The following KCNA2 variants were observed in gnomAD, a reference collection of about 807,000 sequenced individuals.
The protein encoded by KCNA2 is potassium channel, voltage gated shaker related subfamily A, member 2.
In KCNA2, 11 loss-of-function variants were observed where a neutral mutation model predicts 33.4. The observed-to-expected ratio is 0.33, with a 90% confidence interval of 0.21 to 0.55. The LOEUF (loss-of-function observed/expected upper bound fraction) is 0.55. Ranked by LOEUF, KCNA2 falls within the 20% of genes least tolerant of loss-of-function variation. The probability of loss-of-function intolerance (pLI) is 0.93; values close to 1 mark genes in which losing one functional copy is unlikely to be tolerated. For missense variants in KCNA2, 291 were observed against 621.6 expected, an observed-to-expected ratio of 0.47 and a Z score of 5.66; for synonymous variants, 222 against 231.3, an observed-to-expected ratio of 0.96 and a Z score of 0.37.
chr1:110,611,202 G>A (rs1311128695), upstream of KCNA2, among the ~76,000 whole-genome samples: 2 of 152,224 alleles, frequency 1.3e-5, no homozygotes, highest in Non-Finnish European at 2.9e-5. Flanking sequence ...CACTGTTGTT[G>A]CTGATGTTGT....
intron 1 of KCNA2, among the ~76,000 whole-genome samples, chr1:110,627,650 A>C (rs1333639639): frequency 6.6e-6 from 1 of 152,164 alleles, no homozygotes; most frequent in Non-Finnish European, 1.5e-5. Flanking sequence ...GTCTGAAGAA[A>C]GTGGGTAAGA....
In KCNA2 at chr1:110,600,213, C is replaced by T. The variant is rs182504196; in HGVS notation, c.*3070G>A. 1.5e-3 allele frequency: 1,457 copies of T among 980,108 alleles called. 23 individuals are homozygous for T. The African/African-American group carries it at 0.025, about 17-fold the overall frequency. 60.7% of individuals were successfully genotyped at this position (980,108 alleles called of 1,614,324 possible). ...ATGTCTGCATTTCATGTGTATTGTG[C>T]GATATTTTTGGGCATGTGTGCTATG... On this transcript the variant is annotated 3_prime_UTR_variant, in exon 3 of 3. Transcript: ENST00000316361.
Position 110,601,493 on chromosome 1 carries a change from G to A in KCNA2, c.*1790C>T, listed in dbSNP as rs1041973326. 28 of 985,954 alleles carry A rather than the reference G, an allele frequency of 2.8e-5. No homozygotes were observed. Among genetic ancestry groups the A allele is most frequent in the Non-Finnish European group, 3.4e-5 (28 of 830,328 alleles). 61.1% of individuals were successfully genotyped at this position (985,954 alleles called of 1,614,324 possible). On this transcript the variant is annotated 3_prime_UTR_variant, in exon 3 of 3. Coordinates refer to ENST00000316361, the MANE Select transcript of KCNA2 (RefSeq NM_004974.4). Reference sequence around the variant, plus strand: ...GAACAGGATGAACTGTAGAGAGGAGGCCCGGGGTGGGTCTGGCCCAGGACA... The same window carrying A: ...GAACAGGATGAACTGTAGAGAGGAGACCCGGGGTGGGTCTGGCCCAGGACA...
At chr1:110,609,623 G>A (rs1036751202), upstream of KCNA2, among the ~76,000 whole-genome samples, 2 of 152,082 alleles carry the variant, frequency 1.3e-5, no homozygotes, top group Admixed American at 1.3e-4. Context: ...TCTGACCTCT[G>A]CTTCTATTTT....
chr1:110,629,519 G>A (rs941725556), intron 1 of KCNA2, among the ~76,000 whole-genome samples: 2 of 152,156 alleles, frequency 1.3e-5, no homozygotes, highest in African/African-American at 4.8e-5. Context: ...ACCCTGAGAA[G>A]CAGCTCAGTG....
chr1:110,619,689 G>A (rs1650185268), intron 1 of KCNA2, among the ~76,000 whole-genome samples: 1 of 152,236 alleles, frequency 6.6e-6, no homozygotes, highest in Admixed American at 6.5e-5. Context: ...CCCGTATCCC[G>A]GGTCCTAAGA....
chr1:110,624,304 G>C (rs1158483739), intron 1 of KCNA2, among the ~76,000 whole-genome samples: 1 of 152,196 alleles, frequency 6.6e-6, no homozygotes, highest in Non-Finnish European at 1.5e-5. Context: ...ATGCTATTCA[G>C]CAATAAAAAA....
Position 110,604,849 on chromosome 1 carries a change from G to T in KCNA2, c.-67C>A. ...TGCCTGGTGGCAGGGAGCTCAGGGT[G>T]CTGCTACTGGCCCCAGGAAGCACAG... is the stretch of plus-strand genomic sequence containing the variant. On this transcript the variant is annotated 5_prime_UTR_variant, in exon 3 of 3. Coordinates refer to ENST00000316361, the MANE Select transcript of KCNA2 (RefSeq NM_004974.4). This position sits in a 1 kb window ranked among gnomAD's most constrained non-coding sequence, Gnocchi z 7.6. 7.0e-7 allele frequency: 1 copy of T among 1,437,978 alleles called. No individual in the cohort carries two copies. Among genetic ancestry groups the T allele is most frequent in the Non-Finnish European group, 9.5e-7 (1 of 1,051,812 alleles). The allele number at this position is 1,437,978 out of a possible 1,614,324, so 89.1% of individuals were successfully genotyped here.
intron 1 of KCNA2, among the ~76,000 whole-genome samples, chr1:110,614,946 G>T (rs1393883326): frequency 6.6e-6 from 1 of 152,230 alleles, no homozygotes; most frequent in African/African-American, 2.4e-5. Context: ...GACTTTCAAA[G>T]ATGCCAAATC....
chr1:110,598,882 C>T lies in KCNA2; in HGVS notation c.*4401G>A. On this transcript the variant is annotated 3_prime_UTR_variant, in exon 3 of 3. Coordinates refer to ENST00000316361, the MANE Select transcript of KCNA2 (RefSeq NM_004974.4). ...CTCTGAAATTTGACCCACTCAGCCA[C>T]TCTCTCTTCCTGACAATCTCTCCAC... 2 of 985,454 alleles carry T rather than the reference C, an allele frequency of 2.0e-6. No individual in the cohort carries two copies. Among genetic ancestry groups the T allele is most frequent in the Non-Finnish European group, 2.4e-6 (2 of 829,930 alleles). The allele number at this position is 985,454 out of a possible 1,614,324, so 61.0% of individuals were successfully genotyped here.
In KCNA2 at chr1:110,603,382, G is replaced by A. The variant is rs1217851744; in HGVS notation, c.1401C>T (p.Asn467=). 1.2e-6 allele frequency: 2 copies of A among 1,614,208 alleles called. No individual in the cohort carries two copies. Among genetic ancestry groups the A allele is most frequent in the Non-Finnish European group, 1.7e-6 (2 of 1,180,036 alleles). The change falls in exon 3 of 3, where the codon AAC becomes AAT. Residue 467 remains asparagine (N), a synonymous_variant. Coordinates refer to ENST00000316361, the MANE Select transcript of KCNA2 (RefSeq NM_004974.4). The surrounding 1 kb of genome is among the most constrained non-coding windows in gnomAD (Gnocchi z 5.7). ...TTTCCTCTCTAAAGTCCTCATTACTGTTATTTACACCCTCCTGGATCTCCA... is the reference window on the plus strand; with the variant it reads ...TTTCCTCTCTAAAGTCCTCATTACTATTATTTACACCCTCCTGGATCTCCA... ...DYMEIQEGVN[N]SNEDFREENL... is the part of the protein sequence containing the mutation.
At position 110,603,504 on chromosome 1, in the gene KCNA2, C is replaced by T; in HGVS notation, c.1279G>A (p.Ala427Thr). The change falls in exon 3 of 3, where the codon GCC becomes ACC. Residue 427 changes from alanine to threonine, a missense_variant. This residue lies in a region of KCNA2 where 65 missense variants were observed against 95.1 expected (regional missense o/e 0.68). Coordinates refer to ENST00000316361, the MANE Select transcript of KCNA2 (RefSeq NM_004974.4). The surrounding 1 kb of genome is among the most constrained non-coding windows in gnomAD (Gnocchi z 5.7). ...CAGCTTGTCACTTGCAAGTATTGGG[C>T]CTGTTCCTCTCCCTCTGTCTCCCGG... ...YHRETEGEEQ[A>T]QYLQVTSCPK... 2.5e-6 allele frequency: 4 copies of T among 1,614,022 alleles called. No individual in the cohort carries two copies. The highest frequency in any genetic ancestry group is 3.4e-6 in the Non-Finnish European group (4 of 1,180,010).
intron 1 of KCNA2, among the ~76,000 whole-genome samples, chr1:110,611,911 A>C (rs1649886865): frequency 6.6e-6 from 1 of 152,090 alleles, no homozygotes; most frequent in Non-Finnish European, 1.5e-5. Flanking sequence ...AGACCCAGCT[A>C]CTCAGGAGGC....
intron 1 of KCNA2, among the ~76,000 whole-genome samples, chr1:110,625,183 GCAGTGTAAATA>G (rs969506036): frequency 6.6e-6 from 1 of 152,184 alleles, no homozygotes; most frequent in African/African-American, 2.4e-5. Context: ...TCTTCCCAGA[GCAGTGTAAATA>G]CATTATTTGT....
chr1:110,613,169 C>T (rs1193806200), intron 1 of KCNA2, among the ~76,000 whole-genome samples: 1 of 152,196 alleles, frequency 6.6e-6, no homozygotes, highest in East Asian at 1.9e-4. Context: ...TTCCTCCTTC[C>T]CTGTCACTTC....
chr1:110,620,240 C>T (rs1269216537), intron 1 of KCNA2, among the ~76,000 whole-genome samples: 3 of 152,160 alleles, frequency 2.0e-5, no homozygotes, highest in African/African-American at 7.2e-5. Flanking sequence ...CCATGTCAGG[C>T]AGGTTAGCCT....
In KCNA2 at chr1:110,613,793, A is replaced by G. The variant is rs147134862; in HGVS notation, c.-495-8071T>C. Among the ~76,000 whole-genome samples, 669 of 152,248 alleles carry G rather than the reference A, an allele frequency of 4.4e-3. 9 individuals are homozygous for G. Among genetic ancestry groups the G allele is most frequent in the African/African-American group, 0.016 (654 of 41,536 alleles). On this transcript the variant is annotated intron_variant, in intron 1 of 4. Coordinates refer to the KCNA2 transcript ENST00000369770. ...GGTCACCCAGCCAGTCCAGGCAAGA[A>G]CCACGGTTTGAACTCAGGCACTGTG...
chr1:110,611,297 A>C (rs2101431733), upstream of KCNA2, among the ~76,000 whole-genome samples: 1 of 152,338 alleles, frequency 6.6e-6, no homozygotes, highest in South Asian at 2.1e-4. Context: ...TCCAAAGTCA[A>C]GGTCAGCCTC....
chr1:110,617,420 G>A (rs190678289), intron 1 of KCNA2, among the ~76,000 whole-genome samples: 68 of 152,332 alleles, frequency 4.5e-4, no homozygotes, highest in Non-Finnish European at 1.3e-4. Context: ...TCATGCTGAG[G>A]AGTTCAGGTT....
Sources: gnomAD v4.1 joint callset for allele counts (sites outside exome capture counted in the v4.1 genomes callset) on GRCh38, gnomAD v4.1.1 for gene constraint, gnomAD v4.1.1 regional missense constraint, Gnocchi (gnomAD v3.1) non-coding constraint, MANE v1.5 for transcripts, NCBI Gene and HGNC (gene_info 2026-07-23, HGNC 2026-07-21) for gene names.